RNF214: variants seen among roughly 807,000 people sequenced by gnomAD.
RNF214 encodes the protein ring finger protein 214.
A neutral mutation model predicts 75.9 loss-of-function variants in RNF214; 25 were observed. The observed-to-expected ratio is 0.33, with a 90% CI of 0.24 to 0.46. The LOEUF is 0.46. RNF214 is among the 20% of genes least tolerant of loss of function. The pLI is 1.00. For synonymous variants in RNF214, 314 were observed against 308.8 expected, an observed-to-expected ratio of 1.02 and a Z score of -0.18; for missense variants, 725 against 857.5, an observed-to-expected ratio of 0.85 and a Z score of 1.93.
At chr11:117,234,006 CA>C (rs2032824416) in intron 1 of RNF214, among the ~76,000 whole-genome samples, 1 of 152,120 alleles carries the variant, frequency 6.6e-6, no homozygotes, top group African/African-American at 2.4e-5. Context: ...ACATTTCTGC[CA>C]AAAGTGAAAA....
At chr11:117,249,858 C>T (rs1296962098) in intron 6 of RNF214, among the ~76,000 whole-genome samples, 2 of 152,158 alleles carry the variant, frequency 1.3e-5, no homozygotes, top group Non-Finnish European at 2.9e-5. Flanking sequence ...TAATTGCCTC[C>T]TTCAAGGCCC....
intron 2 of RNF214, among the ~76,000 whole-genome samples, chr11:117,235,795 A>G (rs2032890890): frequency 6.6e-6 from 1 of 152,152 alleles, no homozygotes; most frequent in Admixed American, 6.5e-5. Flanking sequence ...TCATGGGGGT[A>G]CATAGTGATG....
rs150231357 is a variant in RNF214, at chr11:117,240,917, G to A, written c.678+1057G>A. 3.9e-3 allele frequency among the ~76,000 whole-genome samples: 587 copies of A among 152,168 alleles called. 4 individuals carry two copies. Among genetic ancestry groups the A allele is most frequent in the African/African-American group, 0.012 (490 of 41,526 alleles). Reference sequence around the variant, plus strand: ...ATTTAGACCAGCCACGGTGGCTCACGTCTGTAATCCTAGCGCTTTGGGAGG... The same window carrying A: ...ATTTAGACCAGCCACGGTGGCTCACATCTGTAATCCTAGCGCTTTGGGAGG... On this transcript the variant is annotated intron_variant, in intron 4 of 14. Coordinates refer to ENST00000300650, the MANE Select transcript of RNF214 (RefSeq NM_207343.4).
intron 12 of RNF214, 91 bp downstream of exon 12, chr11:117,282,627 C>T (rs985915731): frequency 1.7e-5 from 26 of 1,556,764 alleles, no homozygotes; most frequent in Non-Finnish European, 2.2e-5. Flanking sequence ...AAGAAGCATT[C>T]CAGTCAGAGG....
chr11:117,268,257 T>C (rs1402386878), intron 6 of RNF214, among the ~76,000 whole-genome samples: 5 of 152,248 alleles, frequency 3.3e-5, no homozygotes, highest in African/African-American at 4.8e-5. Context: ...AGCAAGGTGC[T>C]CTTCAGAGTT....
intron 6 of RNF214, among the ~76,000 whole-genome samples, chr11:117,259,041 C>G (rs2033596197): frequency 1.3e-5 from 2 of 152,184 alleles, no homozygotes; most frequent in African/African-American, 4.8e-5. Context: ...ACTGCAACCT[C>G]CGCCTGCCGG....
intron 6 of RNF214, among the ~76,000 whole-genome samples, chr11:117,247,877 CAAAA>C (rs945174991): frequency 7.0e-6 from 1 of 142,846 alleles, no homozygotes; most frequent in Non-Finnish European, 1.5e-5. Context: ...AAAAACAAAA[CAAAA>C]AAAAACAAAG....
intron 6 of RNF214, among the ~76,000 whole-genome samples, chr11:117,279,305 A>G (rs149918572): frequency 6.3e-4 from 93 of 147,994 alleles, no homozygotes; most frequent in African/African-American, 2.2e-3. Context: ...ACTTTATTTT[A>G]GCAAGTGGAG....
At chr11:117,236,811 TAA>T (rs1354555035) in intron 2 of RNF214, among the ~76,000 whole-genome samples, 1 of 152,234 alleles carries the variant, frequency 6.6e-6, no homozygotes, top group Non-Finnish European at 1.5e-5. Context: ...ACACTAGTAA[TAA>T]TGGCAGCTAA....
At chr11:117,238,467 G>C (rs2032972257) in intron 2 of RNF214, 134 bp from the exon 3 acceptor site, 3 of 824,638 alleles carry the variant, frequency 3.6e-6, no homozygotes, top group Non-Finnish European at 5.7e-6. Flanking sequence ...CTGCATACAG[G>C]ATAGAAATCA....
intron 4 of RNF214, among the ~76,000 whole-genome samples, chr11:117,242,367 G>A (rs1267987971): frequency 6.6e-6 from 1 of 152,138 alleles, no homozygotes. Context: ...AAAAGTTACT[G>A]GTGTACATTA....
chr11:117,281,668 T>C lies in RNF214; in HGVS notation c.1305T>C (p.Pro435=). The change falls in exon 10 of 15, where the codon CCT becomes CCC. Residue 435 remains proline (P), a synonymous_variant. Transcript: ENST00000300650. ...GAKLSSLPQI[P]TPTLPPPPSE... is the part of the protein sequence containing the mutation. ...AGCTGAGCAGCCTTCCTCAAATCCCTACTCCCACTTTACCTCCACCCCCAT... is the reference window on the plus strand; with the variant it reads ...AGCTGAGCAGCCTTCCTCAAATCCCCACTCCCACTTTACCTCCACCCCCAT... 6.2e-7 allele frequency: 1 copy of C among 1,613,590 alleles called. No homozygotes were observed. The highest frequency in any genetic ancestry group is 1.1e-5 in the South Asian group (1 of 91,066).
chr11:117,254,201 A>G (rs2033466882), intron 6 of RNF214, among the ~76,000 whole-genome samples: 1 of 152,064 alleles, frequency 6.6e-6, no homozygotes, highest in Non-Finnish European at 1.5e-5. Flanking sequence ...GTGAGCTGAG[A>G]TCGCGCCACT....
At chr11:117,270,880 C>T (rs944079462) in intron 6 of RNF214, among the ~76,000 whole-genome samples, 19 of 150,808 alleles carry the variant, frequency 1.3e-4, no homozygotes, top group African/African-American at 4.4e-4. Flanking sequence ...TGTGAGCCAC[C>T]ACATCTTGCC....
chr11:117,240,598 G>A (rs528454376), intron 4 of RNF214, among the ~76,000 whole-genome samples: 37 of 151,920 alleles, frequency 2.4e-4, no homozygotes, highest in Admixed American at 7.9e-4. Flanking sequence ...TGAGGCAGGA[G>A]AATGGCTTGA....
intron 6 of RNF214, among the ~76,000 whole-genome samples, chr11:117,249,986 C>T (rs1487657397): frequency 6.6e-6 from 1 of 152,140 alleles, no homozygotes; most frequent in African/African-American, 2.4e-5. Flanking sequence ...TTTGTTCAGC[C>T]AGCATTTATT....
intron 6 of RNF214, among the ~76,000 whole-genome samples, chr11:117,252,115 C>A (rs58111676): frequency 6.6e-6 from 1 of 152,154 alleles, no homozygotes; most frequent in African/African-American, 2.4e-5. Flanking sequence ...GTGATGTGCC[C>A]GCCTTGGCCT....
chr11:117,253,872 C>A (rs570127290), intron 6 of RNF214, among the ~76,000 whole-genome samples: 1 of 152,224 alleles, frequency 6.6e-6, no homozygotes, highest in Non-Finnish European at 1.5e-5. Context: ...AAAAAAAATT[C>A]TCTGAACTTG....
intron 3 of RNF214, chr11:117,239,391 C>T: frequency 2.0e-6 from 1 of 498,514 alleles, no homozygotes; most frequent in Non-Finnish European, 3.6e-6. Context: ...GAGTGCAGGA[C>T]ATTAGCATTC....
Sources: gnomAD v4.1 joint callset for allele counts (sites outside exome capture counted in the v4.1 genomes callset) on GRCh38, gnomAD v4.1.1 for gene constraint, MANE v1.5 for transcripts, NCBI Gene and HGNC (gene_info 2026-07-23, HGNC 2026-07-21) for gene names.